The following PEX3 variants were observed in gnomAD, a reference collection of about 807,000 sequenced individuals.
PEX3 encodes peroxisomal biogenesis factor 3.
Under a neutral mutation model 55.8 loss-of-function variants are expected in PEX3, and 30 were observed. That is an observed-to-expected ratio of 0.54 (90% CI 0.40 to 0.73). The LOEUF (loss-of-function observed/expected upper bound fraction) is 0.73, where lower values mean the gene tolerates loss of function less well. Among genes scored for constraint, PEX3 ranks in the 30% least tolerant of loss-of-function variants. The pLI, the probability that PEX3 is intolerant of heterozygous loss-of-function variation, is 0.00. For missense variants in PEX3, 351 were observed against 432.8 expected, an observed-to-expected ratio of 0.81 and a Z score of 1.68; for synonymous variants, 135 against 148.4, an observed-to-expected ratio of 0.91 and a Z score of 0.66.
chr6:143,475,896 A>G lies in PEX3; in HGVS notation c.818+1040A>G, dbSNP rs1212700051. 6.6e-6 allele frequency among the ~76,000 whole-genome samples: 1 copy of G among 152,240 alleles called. No individual in the cohort carries two copies. Among genetic ancestry groups the G allele is most frequent in the Non-Finnish European group, 1.5e-5 (1 of 68,046 alleles). On this transcript the variant is annotated intron_variant, in intron 9 of 11. Transcript: ENST00000367591. The surrounding 1 kb of genome is among the most constrained non-coding windows in gnomAD (Gnocchi z 4.4). The stretch of plus-strand genomic sequence containing the variant: ...ATTCATTTATCTCATTGAATTATTC[A>G]TCAACTATGTATTGGCTGTCTGTGG...
rs751027638 is a variant in PEX3, at chr6:143,451,139, G to A, written c.73+24G>A. On this transcript the variant is annotated intron_variant, in intron 1 of 11. Coordinates refer to ENST00000367591, the MANE Select transcript of PEX3 (RefSeq NM_003630.3). The surrounding 1 kb of genome is among the most constrained non-coding windows in gnomAD (Gnocchi z 4.1). ...AGGTGGGTGACAACGTGCTTGAAAG[G>A]GGGCATTGGGAGAAGGGGGTGGGAG... The A allele has an allele frequency of 6.5e-7, 1 of 1,540,736 alleles. No homozygotes were observed. The highest frequency in any genetic ancestry group is 1.1e-5 in the South Asian group (1 of 89,660).
intron 4 of PEX3, 83 bp from the exon 5 acceptor site, chr6:143,470,878 C>A: frequency 1.7e-6 from 2 of 1,195,112 alleles, no homozygotes; most frequent in Non-Finnish European, 2.4e-6. Flanking sequence ...AGTCATCTTA[C>A]AAAAAAATAA....
Position 143,471,052 on chromosome 6 carries a change from C to A in PEX3, c.423C>A (p.Tyr141Ter). ...TAAACATAATTGGTGGATATATTTACCTGGATAATGCAGCAGTTGGCAAAA... is the reference window on the plus strand; with the variant it reads ...TAAACATAATTGGTGGATATATTTAACTGGATAATGCAGCAGTTGGCAAAA... ...VQLNIIGGYI[Y>*]LDNAAVGKNG... is the part of the protein sequence containing the mutation. The change falls in exon 5 of 12, where the codon TAC (tyrosine) becomes TAA (stop). Residue 141 changes from tyrosine to a stop codon, truncating the protein, a stop_gained. Coordinates refer to ENST00000367591, the MANE Select transcript of PEX3 (RefSeq NM_003630.3). LOFTEE classifies it high-confidence loss of function. The surrounding 1 kb of genome is among the most constrained non-coding windows in gnomAD (Gnocchi z 5.4). The A allele has an allele frequency of 6.2e-7, 1 of 1,612,974 alleles. No individual in the cohort carries two copies. Among genetic ancestry groups the A allele is most frequent in the Non-Finnish European group, 8.5e-7 (1 of 1,179,180 alleles).
Position 143,471,359 on chromosome 6 carries a change from G to T in PEX3, c.457-24G>T, listed in dbSNP as rs911295447. On this transcript the variant is annotated intron_variant, in intron 5 of 11. Coordinates refer to ENST00000367591, the MANE Select transcript of PEX3 (RefSeq NM_003630.3). The surrounding 1 kb of genome is among the most constrained non-coding windows in gnomAD (Gnocchi z 5.4). ...TTACCAGTTTAAAACTTGGATAATT[G>T]AACTGTATTTCTGTTTTATACAGAC... 3.3e-6 allele frequency: 5 copies of T among 1,526,202 alleles called. No homozygotes were observed. The highest frequency in any genetic ancestry group is 4.5e-6 in the Non-Finnish European group (5 of 1,101,720). 94.5% of individuals were successfully genotyped at this position (1,526,202 alleles called of 1,614,324 possible). A position where few individuals can be genotyped will look rare whatever the true frequency, so the allele number is the denominator to read the frequency against.
At chr6:143,477,713 A>G (rs1312377784) in intron 9 of PEX3, among the ~76,000 whole-genome samples, 1 of 152,186 alleles carries the variant, frequency 6.6e-6, no homozygotes, top group Non-Finnish European at 1.5e-5. Flanking sequence ...GTGCTTATGC[A>G]GCAAGCACTG....
At chr6:143,452,312 A>T (rs1339900285) in intron 1 of PEX3, among the ~76,000 whole-genome samples, 3 of 152,242 alleles carry the variant, frequency 2.0e-5, no homozygotes, top group Admixed American at 2.0e-4. Context: ...TATATATAAA[A>T]GGTATTTTCT....
rs11966972 is a variant in PEX3 at position 143,485,772 on chromosome 6, G to A, written c.1038+524G>A. ...CCATCTTATTTCTTCATTTCCATTT[G>A]GAATGCATGGAGTAATTCAGTAATT... On this transcript the variant is annotated intron_variant, in intron 11 of 11. Transcript: ENST00000367591. The surrounding 1 kb of genome is among the most constrained non-coding windows in gnomAD (Gnocchi z 5.6). 7.0e-4 allele frequency among the ~76,000 whole-genome samples: 106 copies of A among 152,056 alleles called. No homozygotes were observed. Among genetic ancestry groups the A allele is most frequent in the African/African-American group, 2.5e-3 (102 of 41,500 alleles).
intron 4 of PEX3, among the ~76,000 whole-genome samples, chr6:143,469,943 A>G (rs1468275441): frequency 1.3e-5 from 2 of 151,984 alleles, no homozygotes; most frequent in Non-Finnish European, 2.9e-5. Context: ...TTCAGCTTTT[A>G]TACTTCCTTT....
intron 1 of PEX3, among the ~76,000 whole-genome samples, chr6:143,455,019 A>G (rs879877556): frequency 6.6e-6 from 1 of 152,166 alleles, no homozygotes; most frequent in Non-Finnish European, 1.5e-5. Flanking sequence ...GCTTAATAAA[A>G]CATAGGATCC....
At chr6:143,470,119 T>G (rs1780051981) in intron 4 of PEX3, among the ~76,000 whole-genome samples, 1 of 152,078 alleles carries the variant, frequency 6.6e-6, no homozygotes, top group Non-Finnish European at 1.5e-5. Flanking sequence ...CCAGCTAATT[T>G]TTGTATTTTT....
rs1780235120 is a variant in PEX3, at chr6:143,481,149, TA to T, written c.941+1952del. ...AGGTAAACTAATAAAGGCTTTAATT[TA>T]TATATATATATATATATATAAAATA... On this transcript the variant is annotated intron_variant, in intron 10 of 11. Coordinates refer to ENST00000367591, the MANE Select transcript of PEX3 (RefSeq NM_003630.3). 8.2e-5 allele frequency among the ~76,000 whole-genome samples: 3 copies of T among 36,392 alleles called. No individual in the cohort carries two copies. The African/African-American group carries it at 1.2e-3, about 14-fold the overall frequency. 23.9% of individuals were successfully genotyped at this position (36,392 alleles called of 152,430 possible).
Position 143,458,744 on chromosome 6 carries a change from G to A in PEX3, c.74-341G>A, listed in dbSNP as rs161073. Among the ~76,000 whole-genome samples the A allele has an allele frequency of 0.14, 20,934 of 152,028 alleles. 1,612 individuals are homozygous for A. The highest frequency in any genetic ancestry group is 0.33 in the East Asian group (1,707 of 5,164). On this transcript the variant is annotated intron_variant, in intron 1 of 11. Coordinates refer to ENST00000367591, the MANE Select transcript of PEX3 (RefSeq NM_003630.3). The surrounding 1 kb of genome is among the most constrained non-coding windows in gnomAD (Gnocchi z 6.1). ...GTTTTTAATAACTACATAAGATTTC[G>A]TTGTATGGCTAGACTATCATTTATT...
Position 143,471,932 on chromosome 6 carries a change from T to C in PEX3, c.579-228T>C, listed in dbSNP as rs1780079837. 6.6e-6 allele frequency among the ~76,000 whole-genome samples: 1 copy of C among 152,214 alleles called. No homozygotes were observed. The highest frequency in any genetic ancestry group is 1.5e-5 in the Non-Finnish European group (1 of 68,030). Reference sequence around the variant, plus strand: ...CTCCCATTTATACTAGTAATATCTATAATTACAGTAGGAATTCTCTTATGG... The same window carrying C: ...CTCCCATTTATACTAGTAATATCTACAATTACAGTAGGAATTCTCTTATGG... On this transcript the variant is annotated intron_variant, in intron 7 of 11. Transcript: ENST00000367591. The surrounding 1 kb of genome is among the most constrained non-coding windows in gnomAD (Gnocchi z 5.4).
chr6:143,489,340 C>T lies in PEX3; in HGVS notation c.*114C>T. 2.9e-6 allele frequency: 2 copies of T among 684,128 alleles called. No homozygotes were observed. The highest frequency in any genetic ancestry group is 5.3e-6 in the Non-Finnish European group (2 of 375,506). The allele number at this position is 684,128 out of a possible 1,614,324, so 42.4% of individuals were successfully genotyped here. On this transcript the variant is annotated 3_prime_UTR_variant, in exon 12 of 12. Coordinates refer to ENST00000367591, the MANE Select transcript of PEX3 (RefSeq NM_003630.3). This position sits in a 1 kb window ranked among gnomAD's most constrained non-coding sequence, Gnocchi z 5.5. Reference sequence around the variant, plus strand: ...ATCAAAATGCCTGATAAAATATATTCTTAATAAAAGTCTTCATTTCATAAT... The same window carrying T: ...ATCAAAATGCCTGATAAAATATATTTTTAATAAAAGTCTTCATTTCATAAT...
In PEX3 at chr6:143,483,518, T is replaced by C. The variant is rs555190002; in HGVS notation, c.942-1634T>C. 4.6e-5 allele frequency among the ~76,000 whole-genome samples: 7 copies of C among 152,218 alleles called. No individual in the cohort carries two copies. Among genetic ancestry groups the C allele is most frequent in the South Asian group, 4.1e-4 (2 of 4,820 alleles). On this transcript the variant is annotated intron_variant, in intron 10 of 11. Transcript: ENST00000367591. This position sits in a 1 kb window ranked among gnomAD's most constrained non-coding sequence, Gnocchi z 4.3. ...CCACCTAAGTACATTTTAAGACTTATAAAGAGGCTGGCATGGTAGCTGAAT... is the reference window on the plus strand; with the variant it reads ...CCACCTAAGTACATTTTAAGACTTACAAAGAGGCTGGCATGGTAGCTGAAT...
intron 10 of PEX3, among the ~76,000 whole-genome samples, chr6:143,484,337 G>C (rs2128747937): frequency 6.6e-6 from 1 of 152,122 alleles, no homozygotes; most frequent in East Asian, 1.9e-4. Flanking sequence ...GCAACGGGGA[G>C]AATTCTTGGC....
At position 143,452,570 on chromosome 6, in the gene PEX3, A is replaced by G. The variant is rs78858379; in HGVS notation, c.73+1455A>G. Among the ~76,000 whole-genome samples the G allele has an allele frequency of 1.4e-3, 217 of 152,342 alleles. 2 individuals carry two copies. In the East Asian group the frequency reaches 0.025, roughly 17 times the overall value. ...GAAGCAAAAGAGTATACTTAAACTT[A>G]TAATTTTTTTAAAAAACTAACAAGA... On this transcript the variant is annotated intron_variant, in intron 1 of 11. Transcript: ENST00000367591.
chr6:143,462,836 A>G lies in PEX3; in HGVS notation c.206-80A>G. ...TTGCTAGTTGCTAGCCCTATCATATAGCCTAAAACAATGCGCATTTCTTAG... is the reference window on the plus strand; with the variant it reads ...TTGCTAGTTGCTAGCCCTATCATATGGCCTAAAACAATGCGCATTTCTTAG... On this transcript the variant is annotated intron_variant, in intron 2 of 11. Transcript: ENST00000367591. This position sits in a 1 kb window ranked among gnomAD's most constrained non-coding sequence, Gnocchi z 4.1. 1 of 1,026,800 alleles carries G rather than the reference A, an allele frequency of 9.7e-7. No individual in the cohort carries two copies. The highest frequency in any genetic ancestry group is 1.5e-6 in the Non-Finnish European group (1 of 645,308). 63.6% of individuals were successfully genotyped at this position (1,026,800 alleles called of 1,614,324 possible). A position where few individuals can be genotyped will look rare whatever the true frequency, so the allele number is the denominator to read the frequency against.
In PEX3 at chr6:143,487,009, CT is replaced by C. The variant is rs2128748183; in HGVS notation, c.1038+1764del. On this transcript the variant is annotated intron_variant, in intron 11 of 11. Transcript: ENST00000367591. The surrounding 1 kb of genome is among the most constrained non-coding windows in gnomAD (Gnocchi z 5.3). ...CCTGCAGGCCATACTTTGCTGACCC[CT>C]TTGGTAGAAGATATTAGGATGGTAG... Among the ~76,000 whole-genome samples the C allele has an allele frequency of 6.6e-6, 1 of 152,244 alleles. No individual in the cohort carries two copies. The highest frequency in any genetic ancestry group is 2.1e-4 in the South Asian group (1 of 4,824).
Sources: allele counts gnomAD v4.1 joint callset (sites outside exome capture counted in the v4.1 genomes callset), GRCh38; gene constraint gnomAD v4.1.1; non-coding constraint Gnocchi (gnomAD v3.1); transcripts MANE v1.5; gene names NCBI Gene and HGNC (gene_info 2026-07-23, HGNC 2026-07-21).